The following P4HB variants were observed in gnomAD, a reference collection of about 807,000 sequenced individuals.
P4HB encodes the protein protein disulfide-isomerase.
A neutral mutation model predicts 52.6 loss-of-function variants in P4HB; 20 were observed. The ratio of observed to expected loss-of-function variants is 0.38; its 90% CI spans 0.27 to 0.55. The LOEUF is 0.55. Among genes scored for constraint, P4HB ranks in the 20% least tolerant of loss-of-function variants. The pLI, the probability that P4HB is intolerant of heterozygous loss-of-function variation, is 0.74. For missense variants in P4HB, 601 were observed against 669.2 expected, an observed-to-expected ratio of 0.90 and a Z score of 1.12; for synonymous variants, 296 against 277.9, an observed-to-expected ratio of 1.07 and a Z score of -0.65.
At chr17:81,858,905 C>T (rs1000799552) in intron 2 of P4HB, 5 of 448,722 alleles carry the variant, frequency 1.1e-5, no homozygotes, top group Non-Finnish European at 1.6e-5. Flanking sequence ...ACCAGTCTCC[C>T]TCTCCTCGCT....
rs556636569 is a variant in P4HB at position 81,854,598 on chromosome 17, G to C, written c.624+544C>G. Among the ~76,000 whole-genome samples, 6 of 151,456 alleles carry C rather than the reference G, an allele frequency of 4.0e-5. No homozygotes were observed. In the East Asian group the frequency reaches 1.2e-3, roughly 29 times the overall value. On this transcript the variant is annotated intron_variant, in intron 4 of 10. Coordinates refer to ENST00000331483, the MANE Select transcript of P4HB (RefSeq NM_000918.4). ...GCGGTGGCTCACATCTGTAATCCCA[G>C]CACTTTGGGAGGCTGAGGTGGGTGG...
rs143758998 is a variant in P4HB, at chr17:81,855,150, A to C, written c.616T>G (p.Phe206Val). 6.4e-5 allele frequency: 103 copies of C among 1,614,124 alleles called. No individual in the cohort carries two copies. In the African/African-American group the frequency reaches 1.3e-3, roughly 20 times the overall value. Residue 206 changes from phenylalanine to valine, a missense_variant, in exon 4 of 11, where the codon TTT becomes GTT. Physicochemically the swap from Phe to Val is conservative, Grantham distance 50 (BLOSUM62 -1). Transcript: ENST00000331483. The surrounding 1 kb of genome is among the most constrained non-coding windows in gnomAD (Gnocchi z 4.3). Reference sequence around the variant, plus strand: ...TGCCTGGGGCCACTCACCTTCTTAAAGAGGACAACCCCATCTTTGTCGAGC... The same window carrying C: ...TGCCTGGGGCCACTCACCTTCTTAACGAGGACAACCCCATCTTTGTCGAGC... ...YQLDKDGVVLFKKFDEGRNNF... is the reference protein window; with the variant it reads ...YQLDKDGVVLVKKFDEGRNNF...
chr17:81,843,506 T>C lies in P4HB; in HGVS notation c.*506A>G, dbSNP rs200909487. On this transcript the variant is annotated 3_prime_UTR_variant, in exon 11 of 11. Coordinates refer to ENST00000331483, the MANE Select transcript of P4HB (RefSeq NM_000918.4). The stretch of plus-strand genomic sequence containing the variant: ...CATTTACCCAAAAATGCAAGAGCCA[T>C]GATCAGTCATGGCGACACTGCAGGC... 4 of 400,732 alleles carry C rather than the reference T, an allele frequency of 1.0e-5. No homozygotes were observed. The highest frequency in any genetic ancestry group is 3.6e-5 in the East Asian group (1 of 28,108). 24.8% of individuals were successfully genotyped at this position (400,732 alleles called of 1,614,324 possible). A position where few individuals can be genotyped will look rare whatever the true frequency, so the allele number is the denominator to read the frequency against.
At chr17:81,856,679 CCT>C (rs1488988027) in intron 2 of P4HB, among the ~76,000 whole-genome samples, 1 of 145,196 alleles carries the variant, frequency 6.9e-6, no homozygotes, top group Non-Finnish European at 1.5e-5. Flanking sequence ...ACGGAATCTA[CCT>C]CTGTCGTCCA....
chr17:81,859,617 C>A, intron 1 of P4HB: 1 of 566,432 alleles, frequency 1.8e-6, no homozygotes, highest in Non-Finnish European at 3.2e-6. Flanking sequence ...CCAGCCCCCA[C>A]TCTGCTATGT....
intron 2 of P4HB, among the ~76,000 whole-genome samples, chr17:81,858,235 G>A (rs1353195038): frequency 9.5e-6 from 1 of 105,164 alleles, no homozygotes; most frequent in Non-Finnish European, 1.8e-5. Flanking sequence ...TCGCACCACT[G>A]CACGACAGAG....
chr17:81,852,329 C>T (rs750175060), intron 4 of P4HB, among the ~76,000 whole-genome samples: 8 of 152,206 alleles, frequency 5.3e-5, no homozygotes, highest in Non-Finnish European at 1.2e-4. Flanking sequence ...AAGGGAAGAG[C>T]AGGCAAGAGC....
Position 81,846,344 on chromosome 17 carries a change from C to T in P4HB, c.1056+85G>A, listed in dbSNP as rs1303361705. 74 of 1,253,384 alleles carry T rather than the reference C, an allele frequency of 5.9e-5. No homozygotes were observed. Among genetic ancestry groups the T allele is most frequent in the Non-Finnish European group, 8.2e-5 (71 of 866,456 alleles). 77.6% of individuals were successfully genotyped at this position (1,253,384 alleles called of 1,614,324 possible). A position where few individuals can be genotyped will look rare whatever the true frequency, so the allele number is the denominator to read the frequency against. On this transcript the variant is annotated intron_variant, in intron 7 of 10. Transcript: ENST00000331483. The surrounding 1 kb of genome is among the most constrained non-coding windows in gnomAD (Gnocchi z 5.7). ...TACTCTGAAGATCTTACTTTGAGGA[C>T]GAAGCCCAGGACACTGAGAGCCCAG...
chr17:81,857,533 T>C (rs2038930553), intron 2 of P4HB, among the ~76,000 whole-genome samples: 3 of 152,180 alleles, frequency 2.0e-5, no homozygotes, highest in Admixed American at 6.5e-5. Flanking sequence ...GCAGGCCTCA[T>C]TTTAGAGAGG....
At chr17:81,847,408 G>C in intron 4 of P4HB, 61 bp from the exon 5 acceptor site, 2 of 1,417,010 alleles carry the variant, frequency 1.4e-6, no homozygotes, top group Non-Finnish European at 2.0e-6. Flanking sequence ...CCCTGGGCCC[G>C]GGTCTCCCTG....
chr17:81,849,011 A>C (rs887503338), intron 4 of P4HB, among the ~76,000 whole-genome samples: 2 of 151,116 alleles, frequency 1.3e-5, no homozygotes, highest in African/African-American at 4.9e-5. Context: ...GTGCCACTGC[A>C]CTCCAGCCTG....
At chr17:81,851,671 C>T (rs2038832690) in intron 4 of P4HB, among the ~76,000 whole-genome samples, 1 of 152,224 alleles carries the variant, frequency 6.6e-6, no homozygotes, top group Non-Finnish European at 1.5e-5. Context: ...AACAATGTCT[C>T]TGACTCCCTC....
In P4HB at chr17:81,843,519, C is replaced by T. The variant is rs201169340; in HGVS notation, c.*493G>A. The T allele has an allele frequency of 9.8e-6, 4 of 406,190 alleles. No homozygotes were observed. The highest frequency in any genetic ancestry group is 3.5e-5 in the East Asian group (1 of 28,302). 25.2% of individuals were successfully genotyped at this position (406,190 alleles called of 1,614,324 possible). A position where few individuals can be genotyped will look rare whatever the true frequency, so the allele number is the denominator to read the frequency against. On this transcript the variant is annotated 3_prime_UTR_variant, in exon 11 of 11. Transcript: ENST00000331483. ...ATGCAAGAGCCATGATCAGTCATGGCGACACTGCAGGCGGTACTGAGTGAC... is the reference window on the plus strand; with the variant it reads ...ATGCAAGAGCCATGATCAGTCATGGTGACACTGCAGGCGGTACTGAGTGAC...
At chr17:81,851,809 G>C (rs1011556274) in intron 4 of P4HB, among the ~76,000 whole-genome samples, 3 of 152,238 alleles carry the variant, frequency 2.0e-5, no homozygotes, top group Admixed American at 2.0e-4. Context: ...GTCTACTGCG[G>C]TAAGGGAAAC....
intron 10 of P4HB, among the ~76,000 whole-genome samples, chr17:81,844,510 G>C (rs2038702978): frequency 6.6e-6 from 1 of 152,148 alleles, no homozygotes; most frequent in Non-Finnish European, 1.5e-5. Flanking sequence ...TCCAACCCTT[G>C]GGCTCTGGCC....
Position 81,860,362 on chromosome 17 carries a change from G to A in P4HB, c.110C>T (p.Ala37Val), listed in dbSNP as rs752970788. 5 of 1,472,862 alleles carry A rather than the reference G, an allele frequency of 3.4e-6. No individual in the cohort carries two copies. Among genetic ancestry groups the A allele is most frequent in the South Asian group, 1.3e-5 (1 of 76,142 alleles). The allele number at this position is 1,472,862 out of a possible 1,614,324, so 91.2% of individuals were successfully genotyped here. A position where few individuals can be genotyped will look rare whatever the true frequency, so the allele number is the denominator to read the frequency against. Reference sequence around the variant, plus strand: ...CAGCAGGTACTTGTGGGCCGCCAGCGCCTCCGCGAAGTTGCTTTTCCGCAG... The same window carrying A: ...CAGCAGGTACTTGTGGGCCGCCAGCACCTCCGCGAAGTTGCTTTTCCGCAG... ...LVLRKSNFAE[A>V]LAAHKYLLVE... is the part of the protein sequence containing the mutation. The change falls in exon 1 of 11, where the codon GCG becomes GTG. Residue 37 changes from alanine to valine, a missense_variant. Coordinates refer to ENST00000331483, the MANE Select transcript of P4HB (RefSeq NM_000918.4).
intron 1 of P4HB, chr17:81,860,121 G>C (rs771128829): frequency 3.1e-4 from 127 of 410,348 alleles, no homozygotes; most frequent in Admixed American, 4.6e-4. Context: ...TGCGCAGGGC[G>C]GGCATCGGGA....
In P4HB at chr17:81,843,687, G is replaced by GC; in HGVS notation, c.*324dup. The GC allele has an allele frequency of 2.3e-6, 1 of 431,534 alleles. No homozygotes were observed. Among genetic ancestry groups the GC allele is most frequent in the Non-Finnish European group, 4.1e-6 (1 of 244,698 alleles). 26.7% of individuals were successfully genotyped at this position (431,534 alleles called of 1,614,324 possible). On this transcript the variant is annotated 3_prime_UTR_variant, in exon 11 of 11. Transcript: ENST00000331483. Reference sequence around the variant, plus strand: ...TTTTCAAAAAGAGGAGAAACCTCCCGCGGGAGGGAGGCAGCGAGACTCCGA... The same window carrying GC: ...TTTTCAAAAAGAGGAGAAACCTCCCGCCGGGAGGGAGGCAGCGAGACTCCGA...
At position 81,855,083 on chromosome 17, in the gene P4HB, C is replaced by T; in HGVS notation, c.624+59G>A. The T allele has an allele frequency of 6.4e-7, 1 of 1,568,254 alleles. No homozygotes were observed. Among genetic ancestry groups the T allele is most frequent in the Admixed American group, 1.7e-5 (1 of 59,720 alleles). ...TCCCTTAACGATAAGGAGAGCAACGCCACCCTCTGCAGACCAACCCCAGAA... is the reference window on the plus strand; with the variant it reads ...TCCCTTAACGATAAGGAGAGCAACGTCACCCTCTGCAGACCAACCCCAGAA... On this transcript the variant is annotated intron_variant, in intron 4 of 10. Coordinates refer to ENST00000331483, the MANE Select transcript of P4HB (RefSeq NM_000918.4). This position sits in a 1 kb window ranked among gnomAD's most constrained non-coding sequence, Gnocchi z 4.3.
Sources: gnomAD v4.1 joint callset for allele counts (sites outside exome capture counted in the v4.1 genomes callset) on GRCh38, gnomAD v4.1.1 for gene constraint, Gnocchi (gnomAD v3.1) non-coding constraint, MANE v1.5 for transcripts, NCBI Gene and HGNC (gene_info 2026-07-23, HGNC 2026-07-21) for gene names.